APOB: variants seen among roughly 807,000 people sequenced by gnomAD.
The protein encoded by APOB is apolipoprotein B-100.
Under a neutral mutation model 314.1 loss-of-function variants are expected in APOB, and 153 were observed. The observed-to-expected ratio is 0.49, with a 90% CI of 0.43 to 0.56. The LOEUF is 0.56. APOB is among the 20% of genes least tolerant of loss of function. APOB has a pLI of 0.00. For missense variants in APOB, 5,430 were observed against 5,350.7 expected, an observed-to-expected ratio of 1.01 and a Z score of -0.46; for synonymous variants, 2,087 against 2,036.4, an observed-to-expected ratio of 1.02 and a Z score of -0.67.
At position 21,011,784 on chromosome 2, in the gene APOB, G is replaced by A. The variant is rs370187261; in HGVS notation, c.5084C>T (p.Ala1695Val). ...TTNGRFREHN[A>V]KFSLDGKAAL... The stretch of plus-strand genomic sequence containing the variant: ...GGCTTTCCCATCCAGACTGAATTTT[G>A]CATTGTGTTCCCTGAAGCGGCCATT... The change falls in exon 26 of 29, where the codon GCA becomes GTA. Residue 1695 changes from alanine (A) to valine (V), a missense_variant. Ala to Val is a moderately conservative substitution (Grantham distance 64, BLOSUM62 0). Transcript: ENST00000233242. 1.7e-5 allele frequency: 27 copies of A among 1,614,040 alleles called. No homozygotes were observed. Among genetic ancestry groups the A allele is most frequent in the Non-Finnish European group, 2.3e-5 (27 of 1,180,000 alleles).
chr2:21,003,082 A>G lies in APOB; in HGVS notation c.12340T>C (p.Trp4114Arg), dbSNP rs750904831. ...TGCCTAATGGCCCCTTGATAAACCC[A>G]CTCAGCATTGTTCTGCAGATTTCTT... The part of the protein sequence containing the change: ...LRRNLQNNAE[W>R]VYQGAIRQID... Residue 4114 changes from tryptophan to arginine, a missense_variant, in exon 29 of 29, where the codon TGG (tryptophan) becomes CGG (arginine). Transcript: ENST00000233242. 1.9e-6 allele frequency: 3 copies of G among 1,584,846 alleles called. No individual in the cohort carries two copies. The highest frequency in any genetic ancestry group is 2.7e-5 in the African/African-American group (2 of 73,616).
In APOB at chr2:21,026,969, G is replaced by A; in HGVS notation, c.2068-5C>T. ...GCCTTTTCCTTCCAAGCCAATCTGAGAAAGAAAATCAGACAAGAAAATGGC... is the reference window on the plus strand; with the variant it reads ...GCCTTTTCCTTCCAAGCCAATCTGAAAAAGAAAATCAGACAAGAAAATGGC... On this transcript the variant is annotated splice_region_variant and splice_polypyrimidine_tract_variant and intron_variant, in intron 14 of 28. Transcript: ENST00000233242. 1 of 1,614,126 alleles carries A rather than the reference G, an allele frequency of 6.2e-7. No homozygotes were observed. Among genetic ancestry groups the A allele is most frequent in the South Asian group, 1.1e-5 (1 of 91,076 alleles).
chr2:21,021,365 CTTAGCCA>C (rs1663602206), intron 18 of APOB, among the ~76,000 whole-genome samples: 1 of 152,218 alleles, frequency 6.6e-6, no homozygotes, highest in African/African-American at 2.4e-5. Context: ...ATTATCAGCT[CTTAGCCA>C]CATAGGATCG....
chr2:21,014,378 A>G (rs1450164246), intron 24 of APOB, 70 bp downstream of exon 24: 1 of 1,570,752 alleles, frequency 6.4e-7, no homozygotes, highest in Non-Finnish European at 8.7e-7. Context: ...AAAAATGTCT[A>G]AATCATGCTA....
intron 28 of APOB, among the ~76,000 whole-genome samples, chr2:21,003,743 T>C (rs905940890): frequency 6.6e-6 from 1 of 151,994 alleles, no homozygotes; most frequent in Admixed American, 6.6e-5. Context: ...AGACCCAGAA[T>C]CCCAACATCA....
Position 21,011,398 on chromosome 2 carries a change from C to T in APOB, c.5470G>A (p.Ala1824Thr), listed in dbSNP as rs1340199121. The change falls in exon 26 of 29, where the codon GCT (alanine) becomes ACT (threonine). Residue 1824 changes from alanine to threonine, a missense_variant. By Grantham distance (58) the Ala-to-Thr change is moderately conservative. Transcript: ENST00000233242. ...LRLEPLKLHV[A>T]GNLKGAYQNN... ...TGGTAGGCTCCTTTTAGGTTACCAG[C>T]CACATGCAGCTTCAGGGGTTCTAGC... is the stretch of plus-strand genomic sequence containing the variant. 1.2e-6 allele frequency: 2 copies of T among 1,614,116 alleles called. No individual in the cohort carries two copies. The highest frequency in any genetic ancestry group is 1.3e-5 in the African/African-American group (1 of 75,056).
intron 2 of APOB, among the ~76,000 whole-genome samples, chr2:21,042,823 T>C (rs12720826): frequency 0.036 from 5,513 of 151,804 alleles, 304 homozygotes; most frequent in African/African-American, 0.13. Context: ...CTCTAATGCT[T>C]TTTTAGCTTG....
intron 19 of APOB, 124 bp downstream of exon 19, chr2:21,019,599 T>A: frequency 9.5e-7 from 1 of 1,055,252 alleles, no homozygotes; most frequent in South Asian, 1.4e-5. Flanking sequence ...TACCCAAAGA[T>A]GGTGCAAACC....
rs373766976 is a variant in APOB, at chr2:21,037,939, C to G, written c.537+19G>C. The G allele has an allele frequency of 3.1e-5, 50 of 1,614,060 alleles. No homozygotes were observed. In the African/African-American group the frequency reaches 6.0e-4, roughly 19 times the overall value. On this transcript the variant is annotated intron_variant, in intron 5 of 28. Transcript: ENST00000233242. Reference sequence around the variant, plus strand: ...GATGAGTTTCAAGGGCCACTGCTATCAGCTTTCTAAATCCTCACCAGAAAC... The same window carrying G: ...GATGAGTTTCAAGGGCCACTGCTATGAGCTTTCTAAATCCTCACCAGAAAC...
Position 21,023,621 on chromosome 2 carries a change from A to G in APOB, c.2508T>C (p.Phe836=). Residue 836 remains phenylalanine, a synonymous_variant, in exon 17 of 29, where the codon TTT becomes TTC. Coordinates refer to ENST00000233242, the MANE Select transcript of APOB (RefSeq NM_000384.3). ...FLHYIFMENA[F]ELPTGAGLQL... The stretch of plus-strand genomic sequence containing the variant: ...GTAATCCAGCTCCAGTGGGGAGTTC[A>G]AAGGCATTCTCCATGAAGATGTAGT... The G allele has an allele frequency of 1.2e-6, 2 of 1,614,188 alleles. No individual in the cohort carries two copies. Among genetic ancestry groups the G allele is most frequent in the Non-Finnish European group, 1.7e-6 (2 of 1,180,000 alleles).
Position 21,043,564 on chromosome 2 carries a change from A to T in APOB, c.83-13T>A, listed in dbSNP as rs773710359. 6.3e-7 allele frequency: 1 copy of T among 1,598,198 alleles called. No homozygotes were observed. Among genetic ancestry groups the T allele is most frequent in the East Asian group, 2.2e-5 (1 of 44,498 alleles). The stretch of plus-strand genomic sequence containing the variant: ...AGCATTTCCTCTTCTGTAAGACAGG[A>T]GAAAGAAATCTGTGAGCTTCCCACG... On this transcript the variant is annotated splice_polypyrimidine_tract_variant and intron_variant, in intron 1 of 28. Transcript: ENST00000233242.
chr2:21,015,781 C>T (rs919003520), intron 21 of APOB, among the ~76,000 whole-genome samples: 3 of 152,178 alleles, frequency 2.0e-5, no homozygotes, highest in African/African-American at 4.8e-5. Flanking sequence ...TCCTGCTCTG[C>T]TATTTACTAG....
At chr2:21,003,633 T>A (rs974126366) in intron 28 of APOB, among the ~76,000 whole-genome samples, 2 of 150,858 alleles carry the variant, frequency 1.3e-5, no homozygotes, top group Admixed American at 1.3e-4. Context: ...GGAAGAGGAG[T>A]GGGGGGAAGA....
intron 10 of APOB, among the ~76,000 whole-genome samples, 188 bp from the exon 11 acceptor site, chr2:21,030,203 A>G (rs1663839990): frequency 6.6e-6 from 1 of 152,262 alleles, no homozygotes; most frequent in African/African-American, 2.4e-5. Context: ...TTCAGATTAT[A>G]CAACAAGGCT....
Position 21,013,647 on chromosome 2 carries a change from C to A in APOB, c.3843-114G>T. ...TTGCCCCATTCCCAAAGCCACTCTG[C>A]ACTTTTCTTTGTGCTACTCCTATGC... On this transcript the variant is annotated intron_variant, in intron 24 of 28. Coordinates refer to ENST00000233242, the MANE Select transcript of APOB (RefSeq NM_000384.3). 3 of 1,475,560 alleles carry A rather than the reference C, an allele frequency of 2.0e-6. No homozygotes were observed. In the Admixed American group the frequency reaches 5.0e-5, roughly 25 times the overall value. 91.4% of individuals were successfully genotyped at this position (1,475,560 alleles called of 1,614,324 possible).
chr2:21,018,787 T>C (rs914768715), intron 20 of APOB, among the ~76,000 whole-genome samples: 1 of 152,224 alleles, frequency 6.6e-6, no homozygotes, highest in African/African-American at 2.4e-5. Flanking sequence ...AGAGACTCCA[T>C]TGTTCACTGT....
At position 21,013,379 on chromosome 2, in the gene APOB, G is replaced by C. The variant is rs121918383; in HGVS notation, c.3997C>G (p.Arg1333Gly). ...FKSVGFHLPS[R>G]EFQVPTFTIP... ...GTAAAAGTAGGGACTTGGAACTCTC[G>C]AGATGGCAGATGGAATCCCACAGAC... Residue 1333 changes from arginine to glycine, a missense_variant, in exon 25 of 29, where the codon CGA becomes GGA. Arg to Gly is a moderately radical substitution (Grantham distance 125, BLOSUM62 -2). Coordinates refer to ENST00000233242, the MANE Select transcript of APOB (RefSeq NM_000384.3). 6.8e-6 allele frequency: 11 copies of C among 1,614,066 alleles called. No individual in the cohort carries two copies. The highest frequency in any genetic ancestry group is 1.6e-4 in the Middle Eastern group (1 of 6,084).
In APOB at chr2:21,007,203, G is replaced by C. The variant is rs1663168289; in HGVS notation, c.9665C>G (p.Ser3222Cys). ...AAACTTAATTTTTGTTTCATTATAG[G>C]ATTTGGTGACAAAATCTAATGCATT... ...RNNALDFVTK[S>C]YNETKIKFDK... is the part of the protein sequence containing the mutation. Residue 3222 changes from serine (S) to cysteine (C), a missense_variant, in exon 26 of 29, where the codon TCC becomes TGC. Physicochemically the swap from Ser to Cys is moderately radical, Grantham distance 112. Around this residue, in one of 3 missense-constraint regions of APOB, gnomAD observed 3,281 missense variants for 3,171.0 expected, o/e 1.03. Transcript: ENST00000233242. 2 of 1,613,826 alleles carry C rather than the reference G, an allele frequency of 1.2e-6. No homozygotes were observed. The highest frequency in any genetic ancestry group is 1.7e-6 in the Non-Finnish European group (2 of 1,179,904).
Position 21,004,599 on chromosome 2 carries a change from A to C in APOB, c.11865T>G (p.Ser3955Arg). Residue 3955 changes from serine to arginine, a missense_variant, in exon 27 of 29, where the codon AGT (serine) becomes AGG (arginine). Ser to Arg is a moderately radical substitution (Grantham distance 110). Coordinates refer to ENST00000233242, the MANE Select transcript of APOB (RefSeq NM_000384.3). ...TKGTFAHRDF[S>R]AEYEEDGKYE... ...ATTTGCCATCTTCTTCATATTCTGC[A>C]CTGAAGTCACGGTGTGCAAATGTTC... 2 of 1,614,022 alleles carry C rather than the reference A, an allele frequency of 1.2e-6. No individual in the cohort carries two copies. The highest frequency in any genetic ancestry group is 2.2e-5 in the South Asian group (2 of 91,086).
Sources: allele counts gnomAD v4.1 joint callset (sites outside exome capture counted in the v4.1 genomes callset), GRCh38; gene constraint gnomAD v4.1.1; regional missense constraint gnomAD v4.1.1; transcripts MANE v1.5; gene names NCBI Gene and HGNC (gene_info 2026-07-23, HGNC 2026-07-21).